FAM81A: variants seen among roughly 807,000 people sequenced by gnomAD.
The protein encoded by FAM81A is family with sequence similarity 81 member A, also known as protein FAM81A.
A neutral mutation model predicts 46.7 loss-of-function variants in FAM81A; 19 were observed. The observed-to-expected ratio is 0.41, with a 90% CI of 0.28 to 0.60. FAM81A has a LOEUF of 0.60. FAM81A is among the 20% of genes least tolerant of loss of function. FAM81A has a pLI of 0.34. For synonymous variants in FAM81A, 183 were observed against 152.9 expected (o/e 1.20, Z -1.45); for missense variants, 377 against 453.5 (o/e 0.83, Z 1.53).
chr15:59,410,531 G>A (rs1596460058), intron 2 of FAM81A, among the ~76,000 whole-genome samples: 1 of 74,298 alleles, frequency 1.3e-5, no homozygotes, highest in Non-Finnish European at 2.8e-5. Flanking sequence ...GAGAATATGA[G>A]CTGTGGACTA....
In FAM81A at chr15:59,508,863, A is replaced by T; in HGVS notation, c.544A>T (p.Ile182Phe). Residue 182 changes from isoleucine to phenylalanine, a missense_variant and splice_region_variant, in exon 6 of 9, where the codon ATT becomes TTT. Coordinates refer to ENST00000288228, the MANE Select transcript of FAM81A (RefSeq NM_152450.3). ...ETKIKDAEGQ[I>F]SQLLNRVDLS... The stretch of plus-strand genomic sequence containing the variant: ...TTTATAAGCAAGATTTCTTTTCCAG[A>T]TTTCTCAGCTTTTGAACAGAGTGGA... 1 of 1,608,864 alleles carries T rather than the reference A, an allele frequency of 6.2e-7. No individual in the cohort carries two copies. The highest frequency in any genetic ancestry group is 8.5e-7 in the Non-Finnish European group (1 of 1,177,864).
chr15:59,493,834 C>T (rs1450214212), intron 4 of FAM81A, among the ~76,000 whole-genome samples: 4 of 152,132 alleles, frequency 2.6e-5, no homozygotes, highest in African/African-American at 9.7e-5. Flanking sequence ...GTGATCCGCC[C>T]ACCTCGGCCT....
chr15:59,442,153 G>A (rs1193544681), intron 1 of FAM81A, among the ~76,000 whole-genome samples: 2 of 152,084 alleles, frequency 1.3e-5, no homozygotes, highest in African/African-American at 4.8e-5. Context: ...AGGGCCCCCA[G>A]GTACTTCAAA....
rs2141643221 is a variant in FAM81A at position 59,460,085 on chromosome 15, T to C, written c.173T>C (p.Ile58Thr). The C allele has an allele frequency of 6.2e-7, 1 of 1,613,920 alleles. No homozygotes were observed. The highest frequency in any genetic ancestry group is 8.5e-7 in the Non-Finnish European group (1 of 1,179,870). Residue 58 changes from isoleucine (I) to threonine (T), a missense_variant, in exon 3 of 9, where the codon ATT becomes ACT. Coordinates refer to ENST00000288228, the MANE Select transcript of FAM81A (RefSeq NM_152450.3). This position sits in a 1 kb window ranked among gnomAD's most constrained non-coding sequence, Gnocchi z 4.4. The part of the protein sequence containing the change: ...VEHAFRIKDD[I>T]VNSLQKMQNK... ...CACGCCTTTCGGATTAAAGATGACA[T>C]TGTCAACAGTTTGCAGAAAATGCAA... is the stretch of plus-strand genomic sequence containing the variant.
intron 4 of FAM81A, among the ~76,000 whole-genome samples, chr15:59,501,767 G>A (rs956804022): frequency 6.6e-6 from 1 of 152,104 alleles, no homozygotes; most frequent in Non-Finnish European, 1.5e-5. Context: ...GACCCAAAAA[G>A]GGAAAATTTG....
chr15:59,398,304 T>C (rs2081055596), intron 1 of FAM81A, among the ~76,000 whole-genome samples: 1 of 152,214 alleles, frequency 6.6e-6, no homozygotes, highest in African/African-American at 2.4e-5. Flanking sequence ...TTCATAGGAA[T>C]AAACACATGG....
intron 3 of FAM81A, among the ~76,000 whole-genome samples, chr15:59,475,088 T>C (rs2141691242): frequency 6.6e-6 from 1 of 152,316 alleles, no homozygotes; most frequent in South Asian, 2.1e-4. Context: ...TATCAAAAAA[T>C]CTGCCTAAGG....
chr15:59,488,700 G>C (rs1339254570), intron 3 of FAM81A, among the ~76,000 whole-genome samples: 3 of 152,182 alleles, frequency 2.0e-5, no homozygotes, highest in African/African-American at 7.2e-5. Context: ...ATACTGGCCA[G>C]GTGCTGTGGC....
At chr15:59,404,072 G>A (rs1029012707) in intron 2 of FAM81A, among the ~76,000 whole-genome samples, 8 of 151,796 alleles carry the variant, frequency 5.3e-5, no homozygotes, top group Admixed American at 2.6e-4. Context: ...TAGTAGAGAC[G>A]GGGTTTCACC....
At chr15:59,428,433 A>G (rs2081204654) in intron 2 of FAM81A, among the ~76,000 whole-genome samples, 1 of 146,056 alleles carries the variant, frequency 6.8e-6, no homozygotes, top group East Asian at 2.0e-4. Context: ...TATTATTATT[A>G]TTATTATTAT....
chr15:59,402,691 C>T (rs1270051155), intron 2 of FAM81A, among the ~76,000 whole-genome samples: 1 of 141,804 alleles, frequency 7.1e-6, no homozygotes, highest in Non-Finnish European at 1.5e-5. Flanking sequence ...CAAGCATGTC[C>T]CAACAAGCCT....
chr15:59,458,797 A>G (rs146760248), intron 2 of FAM81A, among the ~76,000 whole-genome samples, 151 bp downstream of exon 2: 117 of 152,374 alleles, frequency 7.7e-4, no homozygotes, highest in African/African-American at 2.5e-3. Flanking sequence ...TTTATAGGAT[A>G]CTGTGGACCA....
chr15:59,495,988 A>C (rs76285907), intron 4 of FAM81A, among the ~76,000 whole-genome samples: 1 of 151,994 alleles, frequency 6.6e-6, no homozygotes, highest in East Asian at 1.9e-4. Flanking sequence ...TCATTTTCTC[A>C]TGTCTTTTGA....
At chr15:59,428,100 C>T (rs1220723909) in intron 2 of FAM81A, among the ~76,000 whole-genome samples, 2 of 152,166 alleles carry the variant, frequency 1.3e-5, no homozygotes, top group Non-Finnish European at 2.9e-5. Flanking sequence ...GCCGTTTTAA[C>T]TCGGGTGAGA....
intron 1 of FAM81A, chr15:59,446,736 C>T (rs1274857670): frequency 2.0e-5 from 3 of 152,226 alleles, no homozygotes; most frequent in African/African-American, 7.2e-5. Context: ...GGCATCACTC[C>T]AGAATCACTG....
chr15:59,434,144 C>T (rs545598155), upstream of FAM81A, among the ~76,000 whole-genome samples: 295 of 152,168 alleles, frequency 1.9e-3, 3 homozygotes, highest in African/African-American at 6.3e-3. Context: ...TGTGAGGCAC[C>T]GTAACTGGCC....
intron 4 of FAM81A, among the ~76,000 whole-genome samples, chr15:59,502,491 G>A (rs1320807492): frequency 6.8e-6 from 1 of 146,018 alleles, no homozygotes; most frequent in Non-Finnish European, 1.5e-5. Context: ...TTCACTGTGT[G>A]TGTGTGTGTG....
intron 1 of FAM81A, among the ~76,000 whole-genome samples, chr15:59,398,053 C>T (rs566230548): frequency 1.3e-5 from 2 of 152,272 alleles, no homozygotes; most frequent in East Asian, 3.9e-4. Flanking sequence ...GGGCACAATC[C>T]TAACCATAGC....
chr15:59,467,213 C>A (rs1390963554), intron 3 of FAM81A, among the ~76,000 whole-genome samples: 5 of 152,114 alleles, frequency 3.3e-5, no homozygotes, highest in African/African-American at 1.2e-4. Flanking sequence ...TCCATATGAA[C>A]TTTAAAGCAG....
Sources: gnomAD v4.1 joint callset for allele counts (sites outside exome capture counted in the v4.1 genomes callset) on GRCh38, gnomAD v4.1.1 for gene constraint, Gnocchi (gnomAD v3.1) non-coding constraint, MANE v1.5 for transcripts, NCBI Gene and HGNC (gene_info 2026-07-23, HGNC 2026-07-21) for gene names.